The following OR4K14 variants were observed in gnomAD, a reference collection of about 807,000 sequenced individuals.
The protein encoded by OR4K14 is olfactory receptor family 4 subfamily K member 14.
For missense variants in OR4K14, 406 were observed against 373.6 expected (o/e 1.09, Z -0.72); for synonymous variants, 153 against 141.5 (o/e 1.08, Z -0.58).
chr14:20,014,987 G>GA lies in OR4K14; in HGVS notation c.206dup (p.Leu70ProfsTer19). On this transcript the variant is annotated frameshift_variant, in exon 2 of 2. Transcript: ENST00000641793. LOFTEE classifies it low-confidence loss of function (END_TRUNC). Reference sequence around the variant, plus strand: ...CAAATGAGGCCAGCCACATGTCCAGGAAAGCTAGGTTCCCCAGCAGGAAGT... The same window carrying GA: ...CAAATGAGGCCAGCCACATGTCCAGGAAAAGCTAGGTTCCCCAGCAGGAAGT... 1 of 1,614,070 alleles carries GA rather than the reference G, an allele frequency of 6.2e-7. No individual in the cohort carries two copies. The highest frequency in any genetic ancestry group is 2.2e-5 in the East Asian group (1 of 44,872).
In OR4K14 at chr14:20,014,973, A is replaced by G. The variant is rs1877063704; in HGVS notation, c.221T>C (p.Leu74Pro). ...CATCTTGGGAGTGGCAAATGAGGCC[A>G]GCCACATGTCCAGGAAAGCTAGGTT... is the stretch of plus-strand genomic sequence containing the variant. The part of the protein sequence containing the change: ...LGNLAFLDMW[L>P]ASFATPKMIR... Residue 74 changes from leucine to proline, a missense_variant, in exon 2 of 2, where the codon CTG becomes CCG. Physicochemically the swap from Leu to Pro is moderately conservative, Grantham distance 98 (BLOSUM62 -3). Transcript: ENST00000641793. 6.2e-7 allele frequency: 1 copy of G among 1,613,970 alleles called. No individual in the cohort carries two copies. The highest frequency in any genetic ancestry group is 1.3e-5 in the African/African-American group (1 of 74,918).
intron 1 of OR4K14, among the ~76,000 whole-genome samples, chr14:20,016,838 A>G (rs1205655618): frequency 2.0e-5 from 3 of 152,114 alleles, no homozygotes; most frequent in Non-Finnish European, 4.4e-5. Context: ...ATAGAGTATT[A>G]TATTATTAAT....
chr14:20,015,102 A>C lies in OR4K14; in HGVS notation c.92T>G (p.Phe31Cys), dbSNP rs777572826. 67 of 1,613,798 alleles carry C rather than the reference A, an allele frequency of 4.2e-5. No individual in the cohort carries two copies. In the Admixed American group the frequency reaches 1.1e-3, roughly 26 times the overall value. ...RHLQNFFFIF[F>C]FGVYVAIMLG... Reference sequence around the variant, plus strand: ...CATAATGGCCACATAGACCCCAAAGAAAAATATAAAGAAAAAATTTTGAAG... The same window carrying C: ...CATAATGGCCACATAGACCCCAAAGCAAAATATAAAGAAAAAATTTTGAAG... Residue 31 changes from phenylalanine (F) to cysteine (C), a missense_variant, in exon 2 of 2, where the codon TTC becomes TGC. Physicochemically the swap from Phe to Cys is radical, Grantham distance 205 (BLOSUM62 -2). Coordinates refer to ENST00000641793, the MANE Select transcript of OR4K14 (RefSeq NM_001004712.2).
In OR4K14 at chr14:20,017,704, G is replaced by A. The variant is rs138043967; in HGVS notation, c.-30+1439C>T. On this transcript the variant is annotated intron_variant, in intron 1 of 1. Transcript: ENST00000641793. ...GGGGAGAGTGGGAAAATAAAGGGAG[G>A]ATGATTAATGAGTAAGAAAATGCAG... Among the ~76,000 whole-genome samples the A allele has an allele frequency of 9.5e-4, 144 of 151,994 alleles. 1 individual carries two copies. Among genetic ancestry groups the A allele is most frequent in the African/African-American group, 3.2e-3 (134 of 41,522 alleles).
intron 1 of OR4K14, among the ~76,000 whole-genome samples, chr14:20,017,754 A>G (rs1877127804): frequency 6.6e-6 from 1 of 152,014 alleles, no homozygotes; most frequent in African/African-American, 2.4e-5. Context: ...ACTGAAAAAG[A>G]TATTTCCAAG....
In OR4K14 at chr14:20,015,227, A is replaced by G; in HGVS notation, c.-29-5T>C. On this transcript the variant is annotated splice_polypyrimidine_tract_variant and splice_region_variant and intron_variant, in intron 1 of 1. Coordinates refer to ENST00000641793, the MANE Select transcript of OR4K14 (RefSeq NM_001004712.2). The stretch of plus-strand genomic sequence containing the variant: ...GTTTCAGACTTTGTTTGTAATCTAA[A>G]TAAAGAAAAAAATCCTGTCATTTGC... The G allele has an allele frequency of 7.2e-7, 1 of 1,396,164 alleles. No homozygotes were observed. The highest frequency in any genetic ancestry group is 9.8e-7 in the Non-Finnish European group (1 of 1,018,788). 86.5% of individuals were successfully genotyped at this position (1,396,164 alleles called of 1,614,324 possible). A position where few individuals can be genotyped will look rare whatever the true frequency, so the allele number is the denominator to read the frequency against.
chr14:20,017,115 G>A (rs981633315), intron 1 of OR4K14, among the ~76,000 whole-genome samples: 61 of 151,420 alleles, frequency 4.0e-4, no homozygotes, highest in Non-Finnish European at 1.5e-4. Context: ...ACTTTATTAA[G>A]GTACAATTTA....
chr14:20,018,563 T>G (rs1391178291), intron 1 of OR4K14, among the ~76,000 whole-genome samples: 1 of 152,034 alleles, frequency 6.6e-6, no homozygotes, highest in Non-Finnish European at 1.5e-5. Flanking sequence ...CTGAAAAATT[T>G]CGCTTGTAAA....
chr14:20,018,355 T>A (rs917779575), intron 1 of OR4K14, among the ~76,000 whole-genome samples: 2 of 152,016 alleles, frequency 1.3e-5, no homozygotes, highest in African/African-American at 4.8e-5. Flanking sequence ...GCAACACTTT[T>A]TTTGACAATT....
At chr14:20,018,943 T>C (rs1429065766) in intron 1 of OR4K14, among the ~76,000 whole-genome samples, 200 bp downstream of exon 1, 2 of 152,020 alleles carry the variant, frequency 1.3e-5, no homozygotes, top group African/African-American at 2.4e-5. Context: ...CAGAAAAAAA[T>C]GACATTGATT....
intron 1 of OR4K14, among the ~76,000 whole-genome samples, chr14:20,018,179 T>C (rs1877136437): frequency 6.6e-6 from 1 of 152,006 alleles, no homozygotes; most frequent in South Asian, 2.1e-4. Context: ...GAATTTGATA[T>C]AGTAATAGAT....
chr14:20,014,754 A>G lies in OR4K14; in HGVS notation c.440T>C (p.Leu147Pro). 6.2e-7 allele frequency: 1 copy of G among 1,614,150 alleles called. No individual in the cohort carries two copies. The highest frequency in any genetic ancestry group is 8.5e-7 in the Non-Finnish European group (1 of 1,180,024). Reference sequence around the variant, plus strand: ...CACAAATCCAACGACCCATGAAGCCAGCACCAGCCTGATGCAAGTCTGCCA... The same window carrying G: ...CACAAATCCAACGACCCATGAAGCCGGCACCAGCCTGATGCAAGTCTGCCA... ...MSWQTCIRLV[L>P]ASWVVGFVHS... is the part of the protein sequence containing the mutation. The change falls in exon 2 of 2, where the codon CTG (leucine) becomes CCG (proline). Residue 147 changes from leucine to proline, a missense_variant. By Grantham distance (98) the Leu-to-Pro change is moderately conservative. Coordinates refer to ENST00000641793, the MANE Select transcript of OR4K14 (RefSeq NM_001004712.2).
chr14:20,014,647 G>C lies in OR4K14; in HGVS notation c.547C>G (p.Pro183Ala), dbSNP rs1218431609. The change falls in exon 2 of 2, where the codon CCT becomes GCT. Residue 183 changes from proline (P) to alanine (A), a missense_variant. Coordinates refer to ENST00000641793, the MANE Select transcript of OR4K14 (RefSeq NM_001004712.2). ...ATGCAGGCAAGTTTGATCACCAGAG[G>C]GAGGTCACAGAAGAAGCTGTCTACC... ...NEVDSFFCDL[P>A]LVIKLACMDT... The C allele has an allele frequency of 2.5e-6, 4 of 1,613,902 alleles. No individual in the cohort carries two copies. The highest frequency in any genetic ancestry group is 2.5e-6 in the Non-Finnish European group (3 of 1,179,956).
rs1236312809 is a variant in OR4K14 at position 20,015,021 on chromosome 14, G to C, written c.173C>G (p.Ser58Cys). 1.2e-6 allele frequency: 2 copies of C among 1,614,086 alleles called. No homozygotes were observed. The highest frequency in any genetic ancestry group is 1.1e-5 in the South Asian group (1 of 91,066). The change falls in exon 2 of 2, where the codon TCC becomes TGC. Residue 58 changes from serine (S) to cysteine (C), a missense_variant. Transcript: ENST00000641793. ...GTTCCCCAGCAGGAAGTACATAGGG[G>C]AGGAGTGCAGGCAGGGATCAGAAAT... ...TVISDPCLHS[S>C]PMYFLLGNLA...
chr14:20,018,929 T>C (rs932611453), intron 1 of OR4K14, among the ~76,000 whole-genome samples: 3 of 152,014 alleles, frequency 2.0e-5, no homozygotes, highest in African/African-American at 7.2e-5. Context: ...ACTAAGTTTG[T>C]AATCAGAAAA....
At chr14:20,017,584 C>CT (rs1285235580) in intron 1 of OR4K14, among the ~76,000 whole-genome samples, 1 of 151,724 alleles carries the variant, frequency 6.6e-6, no homozygotes, top group Non-Finnish European at 1.5e-5. Flanking sequence ...GAATGACTTT[C>CT]TTTTAAAAAT....
At chr14:20,018,390 A>G (rs1877141463) in intron 1 of OR4K14, among the ~76,000 whole-genome samples, 1 of 151,984 alleles carries the variant, frequency 6.6e-6, no homozygotes, top group African/African-American at 2.4e-5. Flanking sequence ...TTTAGTCTGA[A>G]ATTTTAAGTC....
intron 1 of OR4K14, among the ~76,000 whole-genome samples, chr14:20,018,903 C>T (rs1371142747): frequency 1.3e-5 from 2 of 151,718 alleles, no homozygotes; most frequent in Non-Finnish European, 2.9e-5. Flanking sequence ...TGTAAATCAT[C>T]TAAAAGCAAA....
At chr14:20,017,375 A>G (rs1404275744) in intron 1 of OR4K14, among the ~76,000 whole-genome samples, 2 of 152,016 alleles carry the variant, frequency 1.3e-5, no homozygotes, top group Non-Finnish European at 2.9e-5. Flanking sequence ...AAAACCAATC[A>G]ATACAAGAAG....
Sources: gnomAD v4.1 joint callset for allele counts (sites outside exome capture counted in the v4.1 genomes callset) on GRCh38, gnomAD v4.1.1 for gene constraint, MANE v1.5 for transcripts, NCBI Gene and HGNC (gene_info 2026-07-23, HGNC 2026-07-21) for gene names.